The following POLA1 variants were observed in gnomAD, a reference collection of about 807,000 sequenced individuals.
The protein encoded by POLA1 is DNA polymerase alpha catalytic subunit.
POLA1 carries 15 observed loss-of-function variants against 124.0 expected under a neutral mutation model. The observed-to-expected ratio is 0.12, with a 90% CI of 0.08 to 0.19. The LOEUF (loss-of-function observed/expected upper bound fraction) is 0.19, where lower values mean the gene tolerates loss of function less well. Ranked by LOEUF, POLA1 falls within the 10% of genes least tolerant of loss-of-function variation. POLA1 has a pLI of 1.00. For missense variants in POLA1, 886 were observed against 1,103.4 expected (o/e 0.80, Z 2.79); for synonymous variants, 408 against 389.4 (o/e 1.05, Z -0.56).
At chrX:24,930,357 G>T in intron 35 of POLA1, 96 bp from the exon 36 acceptor site, 1 of 574,871 alleles carries the variant, frequency 1.7e-6, no homozygotes, top group East Asian at 3.5e-5. Context: ...TGCTTGATTT[G>T]GAAGTTGAAA....
chrX:24,756,466 G>C (rs963998472), intron 26 of POLA1, among the ~76,000 whole-genome samples: 1 of 109,562 alleles, frequency 9.1e-6, no homozygotes, highest in Admixed American at 9.7e-5. Flanking sequence ...AGGAGGCTGA[G>C]GCAGGAGAAC....
chrX:24,749,442 G>A (rs1932202984), intron 26 of POLA1, among the ~76,000 whole-genome samples: 1 of 112,163 alleles, frequency 8.9e-6, no homozygotes, highest in South Asian at 3.7e-4. Context: ...AATTAAAACA[G>A]GATGGTGGGC....
Position 24,812,766 on chromosome X carries a change from G to C in POLA1, c.3199G>C (p.Glu1067Gln). 2 of 1,203,400 alleles carry C rather than the reference G, an allele frequency of 1.7e-6. No homozygotes were observed. The highest frequency in any genetic ancestry group is 2.3e-4 in the Middle Eastern group (1 of 4,333). Reference protein sequence around the residue: ...KKKKYAALVVEPTSDGNYVTK... With the variant: ...KKKKYAALVVQPTSDGNYVTK... ...AAAGAAGTACGCTGCTCTGGTTGTTGAGCCAACGTCGGATGGGAATTATGT... is the reference window on the plus strand; with the variant it reads ...AAAGAAGTACGCTGCTCTGGTTGTTCAGCCAACGTCGGATGGGAATTATGT... The change falls in exon 29 of 37, where the codon GAG becomes CAG. Residue 1067 changes from glutamate to glutamine, a missense_variant. By Grantham distance (29) the Glu-to-Gln change is conservative (BLOSUM62 2). Transcript: ENST00000379068.
intron 36 of POLA1, among the ~76,000 whole-genome samples, chrX:24,980,754 A>G (rs1355376873): frequency 9.0e-6 from 1 of 110,761 alleles, no homozygotes; most frequent in East Asian, 2.8e-4. Flanking sequence ...GGAGATTAGC[A>G]TGTGTTTATA....
Position 24,785,116 on chromosome X carries a change from C to T in POLA1, c.2965-24782C>T, listed in dbSNP as rs1038677242. ...TCACTTGTTAGGTTCTTAAGTGTTA[C>T]AAATTAATTCAGTACGATAATAAAT... On this transcript the variant is annotated intron_variant, in intron 26 of 36. Coordinates refer to ENST00000379068, the MANE Select transcript of POLA1 (RefSeq NM_001330360.2). 4.0e-4 allele frequency among the ~76,000 whole-genome samples: 45 copies of T among 112,262 alleles called. No individual in the cohort carries two copies. In the Middle Eastern group the frequency reaches 0.014, roughly 35 times the overall value.
Position 24,715,194 on chromosome X carries a change from T to C in POLA1, c.516T>C (p.Leu172=). 8.8e-7 allele frequency: 1 copy of C among 1,136,743 alleles called. No individual in the cohort carries two copies. The highest frequency in any genetic ancestry group is 1.2e-6 in the Non-Finnish European group (1 of 827,137). 93.7% of individuals were successfully genotyped at this position (1,136,743 alleles called of 1,213,427 possible). The change falls in exon 6 of 37, where the codon CTT becomes CTC. Residue 172 remains leucine (L), a synonymous_variant. Transcript: ENST00000379068. ...DGLLGDILQD[L]NTETPQITPP... Reference sequence around the variant, plus strand: ...TGCTAGGTGACATTCTACAGGATCTTAACACTGAGGTAAATGAATCTCCAG... The same window carrying C: ...TGCTAGGTGACATTCTACAGGATCTCAACACTGAGGTAAATGAATCTCCAG...
At chrX:24,972,346 A>C (rs1023900503) in intron 36 of POLA1, among the ~76,000 whole-genome samples, 1 of 112,120 alleles carries the variant, frequency 8.9e-6, no homozygotes, top group African/African-American at 3.2e-5. Context: ...CTTAGGGGAA[A>C]TTATGAGTGG....
intron 6 of POLA1, among the ~76,000 whole-genome samples, chrX:24,715,636 C>A (rs1023928158): frequency 1.8e-5 from 2 of 111,342 alleles, no homozygotes; most frequent in African/African-American, 6.5e-5. Flanking sequence ...CAACAAAAAA[C>A]CCCCCACCAA....
chrX:24,717,840 G>T, intron 10 of POLA1, 82 bp downstream of exon 10: 1 of 640,707 alleles, frequency 1.6e-6, no homozygotes. Flanking sequence ...GTTTCTTTTT[G>T]TGTGTTTTGT....
At chrX:24,723,736 A>C (rs1930349606) in intron 11 of POLA1, among the ~76,000 whole-genome samples, 1 of 112,178 alleles carries the variant, frequency 8.9e-6, no homozygotes, top group Admixed American at 9.4e-5. Context: ...GCTGGAGTGC[A>C]ATGGCACAAT....
intron 36 of POLA1, among the ~76,000 whole-genome samples, chrX:24,962,451 G>A (rs188351537): frequency 8.9e-6 from 1 of 112,032 alleles, no homozygotes; most frequent in Non-Finnish European, 1.9e-5. Context: ...TTATAAATAG[G>A]TGTGGAATGA....
chrX:24,713,218 C>T (rs1929587739), intron 4 of POLA1, among the ~76,000 whole-genome samples: 1 of 111,505 alleles, frequency 9.0e-6, no homozygotes, highest in Non-Finnish European at 1.9e-5. Context: ...CTGCCTCGGC[C>T]TCCCAAAGTG....
At chrX:24,865,169 G>T (rs1263622176) in intron 34 of POLA1, among the ~76,000 whole-genome samples, 2 of 111,933 alleles carry the variant, frequency 1.8e-5, no homozygotes, top group African/African-American at 6.5e-5. Flanking sequence ...TTCCTAATCT[G>T]CCAATTTACT....
intron 34 of POLA1, among the ~76,000 whole-genome samples, chrX:24,864,425 A>C (rs779201706): frequency 5.9e-4 from 66 of 112,327 alleles, no homozygotes; most frequent in South Asian, 1.8e-3. Flanking sequence ...AATATAACGT[A>C]CACTTTATAC....
chrX:24,758,579 G>C (rs1381459447), intron 26 of POLA1, among the ~76,000 whole-genome samples: 1 of 112,690 alleles, frequency 8.9e-6, no homozygotes, highest in East Asian at 2.8e-4. Context: ...GTCAAATCTT[G>C]CCTGGGGTCT....
At chrX:24,768,134 T>G (rs1932951527) in intron 26 of POLA1, among the ~76,000 whole-genome samples, 1 of 112,394 alleles carries the variant, frequency 8.9e-6, no homozygotes, top group Non-Finnish European at 1.9e-5. Context: ...CATTTTTGTT[T>G]GAAAGGATGT....
intron 36 of POLA1, among the ~76,000 whole-genome samples, chrX:24,978,953 C>G (rs932701780): frequency 2.7e-5 from 3 of 111,717 alleles, no homozygotes; most frequent in Non-Finnish European, 5.6e-5. Context: ...CTGTTTCCTT[C>G]AAATTAAATT....
intron 35 of POLA1, among the ~76,000 whole-genome samples, chrX:24,903,637 GTAGT>G (rs2047313144): frequency 1.8e-5 from 2 of 111,889 alleles, no homozygotes; most frequent in African/African-American, 6.5e-5. Flanking sequence ...ATAGGATAAA[GTAGT>G]TAGTAAGGTA....
At chrX:24,959,633 C>G (rs1028434037) in intron 36 of POLA1, among the ~76,000 whole-genome samples, 1 of 111,403 alleles carries the variant, frequency 9.0e-6, no homozygotes, top group Non-Finnish European at 1.9e-5. Context: ...CTGTCTGTTG[C>G]AGTAGCCACT....
Sources: gnomAD v4.1 joint callset for allele counts (sites outside exome capture counted in the v4.1 genomes callset) on GRCh38, gnomAD v4.1.1 for gene constraint, MANE v1.5 for transcripts, NCBI Gene and HGNC (gene_info 2026-07-23, HGNC 2026-07-21) for gene names.